The following AP3B1 variants were observed in gnomAD, a reference collection of about 807,000 sequenced individuals.
The protein encoded by AP3B1 is AP-3 complex subunit beta-1.
AP3B1 carries 61 observed loss-of-function variants against 132.5 expected under a neutral mutation model. The observed-to-expected ratio is 0.46, with a 90% confidence interval of 0.37 to 0.57. AP3B1 has a LOEUF of 0.57. Ranked by LOEUF, AP3B1 falls within the 20% of genes least tolerant of loss-of-function variation. The pLI is 0.00. For synonymous variants in AP3B1, 388 were observed against 438.3 expected (o/e 0.89, Z 1.43); for missense variants, 1,120 against 1,289.4 (o/e 0.87, Z 2.01).
chr5:78,203,273 A>T (rs1745370765), intron 7 of AP3B1, among the ~76,000 whole-genome samples: 1 of 152,272 alleles, frequency 6.6e-6, no homozygotes, highest in East Asian at 1.9e-4. Flanking sequence ...GGTTTAATTG[A>T]CTCACGGTTC....
At chr5:78,163,889 T>A (rs1484540000) in intron 12 of AP3B1, among the ~76,000 whole-genome samples, 6 of 151,866 alleles carry the variant, frequency 4.0e-5, no homozygotes, top group Middle Eastern at 3.2e-3. Context: ...TCGAAATTTT[T>A]AAGAAAGATT....
chr5:78,168,013 G>GAAAAAAAAAAAAAA (rs149936824), intron 11 of AP3B1, among the ~76,000 whole-genome samples: 1 of 110,790 alleles, frequency 9.0e-6, no homozygotes, highest in East Asian at 3.0e-4. Flanking sequence ...AAAACCTACT[G>GAAAAAAAAAAAAAA]AAAAAAAAAA....
intron 7 of AP3B1, among the ~76,000 whole-genome samples, chr5:78,208,099 G>C (rs1745586492): frequency 1.3e-5 from 2 of 151,996 alleles, no homozygotes; most frequent in African/African-American, 4.8e-5. Context: ...GACAGAGAGA[G>C]AAAGAGAGAG....
intron 15 of AP3B1, among the ~76,000 whole-genome samples, chr5:78,137,638 T>C (rs1752975115): frequency 6.6e-6 from 1 of 152,210 alleles, no homozygotes; most frequent in South Asian, 2.1e-4. Flanking sequence ...CTTGCTTTTC[T>C]TTACTATTCT....
At chr5:78,141,052 G>T in intron 15 of AP3B1, 91 bp downstream of exon 15, 1 of 1,202,094 alleles carries the variant, frequency 8.3e-7, no homozygotes, top group Non-Finnish European at 1.2e-6. Context: ...TTGTTGAATG[G>T]TCAGACTAAT....
chr5:78,119,561 G>A (rs1255983422), intron 17 of AP3B1, among the ~76,000 whole-genome samples: 2 of 152,216 alleles, frequency 1.3e-5, no homozygotes, highest in African/African-American at 2.4e-5. Context: ...CTCAGGAGCC[G>A]ACGCGATCAA....
chr5:78,238,889 G>A (rs998542101), intron 3 of AP3B1, among the ~76,000 whole-genome samples: 1 of 150,104 alleles, frequency 6.7e-6, no homozygotes, highest in African/African-American at 2.5e-5. Context: ...TGACACACGG[G>A]ATGTAGGGAA....
At chr5:78,288,014 G>C (rs1005796536) in intron 1 of AP3B1, among the ~76,000 whole-genome samples, 2 of 152,178 alleles carry the variant, frequency 1.3e-5, no homozygotes, top group East Asian at 1.9e-4. Context: ...CTGAGCACAA[G>C]AGAAAGGAAT....
intron 1 of AP3B1, among the ~76,000 whole-genome samples, chr5:78,274,585 A>G (rs1025794964): frequency 1.3e-5 from 2 of 152,142 alleles, no homozygotes; most frequent in Non-Finnish European, 2.9e-5. Context: ...GGTACAGCAT[A>G]GTCAAACTGC....
At chr5:78,069,689 T>C (rs1749452342) in intron 22 of AP3B1, among the ~76,000 whole-genome samples, 1 of 152,196 alleles carries the variant, frequency 6.6e-6, no homozygotes, top group Non-Finnish European at 1.5e-5. Context: ...AAGTAATTCA[T>C]GGATTCAATG....
chr5:78,185,773 G>C (rs189498001), intron 7 of AP3B1, among the ~76,000 whole-genome samples: 8 of 152,260 alleles, frequency 5.3e-5, no homozygotes, highest in African/African-American at 1.9e-4. Context: ...AGGAGGCTGA[G>C]GTGGGAGGAT....
At chr5:78,047,909 C>T (rs926362584) in intron 22 of AP3B1, among the ~76,000 whole-genome samples, 5 of 152,132 alleles carry the variant, frequency 3.3e-5, no homozygotes, top group Non-Finnish European at 7.3e-5. Flanking sequence ...GTTCTTGATG[C>T]TTGATTTAAA....
At chr5:78,049,474 A>G (rs1273818260) in intron 22 of AP3B1, among the ~76,000 whole-genome samples, 1 of 152,216 alleles carries the variant, frequency 6.6e-6, no homozygotes, top group African/African-American at 2.4e-5. Context: ...CTAGTCCTCA[A>G]GAAGTTTATT....
At chr5:78,063,056 T>C (rs912790384) in intron 22 of AP3B1, among the ~76,000 whole-genome samples, 1 of 152,208 alleles carries the variant, frequency 6.6e-6, no homozygotes, top group Non-Finnish European at 1.5e-5. Flanking sequence ...AATACTATTT[T>C]GTAGAGTTCT....
At chr5:78,165,165 C>T (rs955926560) in intron 12 of AP3B1, among the ~76,000 whole-genome samples, 15 of 151,860 alleles carry the variant, frequency 9.9e-5, no homozygotes, top group East Asian at 3.9e-4. Context: ...TTTAAAAAAT[C>T]GTAGTGGGGC....
chr5:78,074,481 C>G (rs890678728), intron 22 of AP3B1, among the ~76,000 whole-genome samples: 1 of 152,080 alleles, frequency 6.6e-6, no homozygotes, highest in Non-Finnish European at 1.5e-5. Flanking sequence ...ACATTTTCAT[C>G]AGAACAAATA....
At chr5:78,118,576 C>T (rs1364997334) in intron 17 of AP3B1, among the ~76,000 whole-genome samples, 5 of 152,206 alleles carry the variant, frequency 3.3e-5, no homozygotes, top group African/African-American at 1.2e-4. Flanking sequence ...TTGCTGATTG[C>T]TAGCACAGCA....
rs998506328 is a variant in AP3B1 at position 78,012,757 on chromosome 5, C to T, written c.3131+2653G>A. Among the ~76,000 whole-genome samples, 13 of 152,130 alleles carry T rather than the reference C, an allele frequency of 8.5e-5. No individual in the cohort carries two copies. The East Asian group carries it at 1.3e-3, about 16-fold the overall frequency. On this transcript the variant is annotated intron_variant, in intron 26 of 26. Transcript: ENST00000255194. ...ACACTGTGGATGAGTATGAGGACCA[C>T]GAACATTAAGTTTTGGGTTCAATCT...
chr5:78,158,317 A>C (rs1241811197), intron 13 of AP3B1, among the ~76,000 whole-genome samples: 1 of 152,044 alleles, frequency 6.6e-6, no homozygotes, highest in African/African-American at 2.4e-5. Flanking sequence ...ATTAGCCAGG[A>C]GTTGTGGCAC....
Sources: allele counts gnomAD v4.1 joint callset (sites outside exome capture counted in the v4.1 genomes callset), GRCh38; gene constraint gnomAD v4.1.1; transcripts MANE v1.5; gene names NCBI Gene and HGNC (gene_info 2026-07-23, HGNC 2026-07-21).